Variants in NRG1 observed in about 807,000 individuals in gnomAD.
The protein encoded by NRG1 is pro-neuregulin-1, membrane-bound isoform.
A neutral mutation model predicts 63.8 loss-of-function variants in NRG1; 18 were observed. The observed-to-expected ratio is 0.28, with a 90% CI of 0.19 to 0.42. The LOEUF is 0.42. Ranked by LOEUF, NRG1 falls within the 10% of genes least tolerant of loss-of-function variation. The pLI is 1.00. For synonymous variants in NRG1, 302 were observed against 301.3 expected, an observed-to-expected ratio of 1.00 and a Z score of -0.02; for missense variants, 762 against 814.7, an observed-to-expected ratio of 0.94 and a Z score of 0.79.
intron 1 of NRG1, among the ~76,000 whole-genome samples, chr8:32,529,371 T>C (rs1287573036): frequency 6.6e-6 from 1 of 152,222 alleles, no homozygotes; most frequent in Admixed American, 6.5e-5. Context: ...AGGACATTAC[T>C]GTATACGGCT....
intron 1 of NRG1, among the ~76,000 whole-genome samples, chr8:32,051,711 CA>C (rs1822007016): frequency 6.6e-6 from 1 of 151,968 alleles, no homozygotes; most frequent in East Asian, 1.9e-4. Flanking sequence ...ACAACAACAA[CA>C]ACAACAAATC....
intron 1 of NRG1, among the ~76,000 whole-genome samples, chr8:32,188,373 T>G (rs1189576237): frequency 6.6e-6 from 1 of 152,200 alleles, no homozygotes; most frequent in African/African-American, 2.4e-5. Context: ...AGCTGGATTA[T>G]AGATTTTGAC....
chr8:31,858,856 G>T (rs938008401), intron 1 of NRG1, among the ~76,000 whole-genome samples: 8 of 152,144 alleles, frequency 5.3e-5, no homozygotes, highest in Non-Finnish European at 1.2e-4. Flanking sequence ...ACGAAGTTTT[G>T]CCTCATTTGC....
chr8:32,719,647 T>C (rs537797907), intron 5 of NRG1, among the ~76,000 whole-genome samples: 1 of 152,230 alleles, frequency 6.6e-6, no homozygotes, highest in Admixed American at 6.5e-5. Context: ...TTCACAACCA[T>C]TTTGATTGGT....
intron 1 of NRG1, among the ~76,000 whole-genome samples, chr8:32,259,546 T>C (rs1850127682): frequency 6.6e-6 from 1 of 152,148 alleles, no homozygotes; most frequent in Admixed American, 6.6e-5. Flanking sequence ...CTTTATAAAT[T>C]GCCCAGTTGA....
chr8:32,753,712 T>C (rs1829159328), intron 7 of NRG1, among the ~76,000 whole-genome samples: 1 of 152,244 alleles, frequency 6.6e-6, no homozygotes, highest in African/African-American at 2.4e-5. Flanking sequence ...GCTTCTTGTG[T>C]TCACATTTTA....
intron 1 of NRG1, among the ~76,000 whole-genome samples, chr8:32,582,836 T>C (rs951069546): frequency 7.2e-5 from 11 of 152,246 alleles, no homozygotes; most frequent in Non-Finnish European, 1.5e-5. Flanking sequence ...TATTTCATGC[T>C]TCAAGGTTTT....
chr8:32,303,171 G>T (rs1374652727), intron 1 of NRG1, among the ~76,000 whole-genome samples: 1 of 52,460 alleles, frequency 1.9e-5, no homozygotes, highest in African/African-American at 7.7e-5. Flanking sequence ...AGAAAGAAGA[G>T]AAACTCAGTC....
At chr8:32,084,727 TC>T (rs1430740713) in intron 1 of NRG1, among the ~76,000 whole-genome samples, 1 of 152,104 alleles carries the variant, frequency 6.6e-6, no homozygotes, top group East Asian at 1.9e-4. Context: ...GATCATAAAA[TC>T]CAGTCTTCAC....
chr8:32,280,691 GTTTTTTTTTT>G (rs1174950316), intron 1 of NRG1, among the ~76,000 whole-genome samples: 6 of 57,670 alleles, frequency 1.0e-4, no homozygotes, highest in Admixed American at 2.7e-4. Flanking sequence ...TTTTTTTTTT[GTTTTTTTTTT>G]TTTTTTTTTT....
chr8:32,142,951 T>G (rs1836441630), intron 1 of NRG1, among the ~76,000 whole-genome samples: 1 of 152,230 alleles, frequency 6.6e-6, no homozygotes, highest in Non-Finnish European at 1.5e-5. Flanking sequence ...GTATGTACAC[T>G]TTAAGAAAGG....
At chr8:31,868,119 C>A (rs1173026683) in intron 1 of NRG1, among the ~76,000 whole-genome samples, 2 of 137,966 alleles carry the variant, frequency 1.4e-5, no homozygotes, top group Non-Finnish European at 1.6e-5. Flanking sequence ...CTCTACCATC[C>A]CAAACACACA....
chr8:32,647,854 G>C (rs78559496), intron 5 of NRG1: 1 of 1,614,034 alleles, frequency 6.2e-7, no homozygotes, highest in Admixed American at 1.7e-5. Flanking sequence ...ACTGAAGATG[G>C]GAGAACCCCT....
intron 6 of NRG1, among the ~76,000 whole-genome samples, chr8:32,731,421 T>G (rs971428676): frequency 6.7e-6 from 1 of 150,130 alleles, no homozygotes; most frequent in South Asian, 2.1e-4. Flanking sequence ...TTTTTTTTTG[T>G]AATTAGGATC....
Position 32,420,094 on chromosome 8 carries a change from G to A in NRG1, c.38-175734G>A, listed in dbSNP as rs568578689. Reference sequence around the variant, plus strand: ...CAGGGTCTAGAGAGTCCACGTTGCTGCTCGTACTCTCTGTGTTTAATTCCA... The same window carrying A: ...CAGGGTCTAGAGAGTCCACGTTGCTACTCGTACTCTCTGTGTTTAATTCCA... On this transcript the variant is annotated intron_variant, in intron 1 of 10. Transcript: ENST00000519301. 2.6e-5 allele frequency among the ~76,000 whole-genome samples: 4 copies of A among 152,224 alleles called. No homozygotes were observed. The South Asian group carries it at 8.3e-4, about 32-fold the overall frequency.
At chr8:31,683,977 A>G (rs1162976683) in intron 1 of NRG1, among the ~76,000 whole-genome samples, 1 of 152,312 alleles carries the variant, frequency 6.6e-6, no homozygotes, top group Non-Finnish European at 1.5e-5. Flanking sequence ...TTTTTCATAG[A>G]GCATATAAAT....
intron 1 of NRG1, chr8:32,442,511 T>C (rs948677323): frequency 3.9e-5 from 6 of 152,158 alleles, no homozygotes; most frequent in Non-Finnish European, 7.3e-5. Flanking sequence ...ACAATGGAAG[T>C]CCCTGGAAGG....
chr8:32,258,280 A>G (rs1223689509), intron 1 of NRG1, among the ~76,000 whole-genome samples: 1 of 152,200 alleles, frequency 6.6e-6, no homozygotes, highest in African/African-American at 2.4e-5. Context: ...TGAGGAAAAA[A>G]TAAAGATTTG....
At chr8:32,003,095 C>A (rs564584717) in intron 1 of NRG1, among the ~76,000 whole-genome samples, 1 of 152,164 alleles carries the variant, frequency 6.6e-6, no homozygotes, top group South Asian at 2.1e-4. Flanking sequence ...ACAGACTCCA[C>A]TCATTTCCAA....
Sources: allele counts gnomAD v4.1 joint callset (sites outside exome capture counted in the v4.1 genomes callset), GRCh38; gene constraint gnomAD v4.1.1; transcripts MANE v1.5; gene names NCBI Gene and HGNC (gene_info 2026-07-23, HGNC 2026-07-21).